The following BRDT variants were observed in gnomAD, a reference collection of about 807,000 sequenced individuals.
The protein encoded by BRDT is bromodomain testis-specific protein.
Under a neutral mutation model 113.9 loss-of-function variants are expected in BRDT, and 77 were observed. That is an observed-to-expected ratio of 0.68 (90% CI 0.56 to 0.82). The LOEUF (loss-of-function observed/expected upper bound fraction) is 0.82. Among genes scored for constraint, BRDT ranks in the 40% least tolerant of loss-of-function variants. The pLI, the probability that BRDT is intolerant of heterozygous loss-of-function variation, is 0.00. For missense variants in BRDT, 1,027 were observed against 1,105.4 expected (o/e 0.93, Z 1.01); for synonymous variants, 358 against 366.5 (o/e 0.98, Z 0.26).
intron 11 of BRDT, 69 bp downstream of exon 11, chr1:91,981,450 G>A (rs1378602704): frequency 2.0e-6 from 3 of 1,498,848 alleles, no homozygotes; most frequent in East Asian, 2.3e-5. Flanking sequence ...TTGTGATATT[G>A]CCCAGGCTGG....
chr1:91,979,028 A>ACAAC (rs1553189992), intron 7 of BRDT, among the ~76,000 whole-genome samples: 38 of 149,796 alleles, frequency 2.5e-4, no homozygotes, highest in African/African-American at 5.1e-4. Flanking sequence ...AACAACAACA[A>ACAAC]AAAAAACCCT....
chr1:91,992,279 T>A lies in BRDT; in HGVS notation c.2080T>A (p.Cys694Ser), dbSNP rs775972481. ...TTATTTTTAGAAAATGAAGAATGAA[T>A]GCATACCGCCTGAAGGAAGAACAGG... ...KENVKKMKNE[C>S]IPPEGRTGVT... The change falls in exon 14 of 19, where the codon TGC (cysteine) becomes AGC (serine). Residue 694 changes from cysteine to serine, a missense_variant. By Grantham distance (112) the Cys-to-Ser change is moderately radical. Transcript: ENST00000399546. 6.7e-7 allele frequency: 1 copy of A among 1,502,008 alleles called. No homozygotes were observed. The highest frequency in any genetic ancestry group is 2.2e-5 in the Admixed American group (1 of 45,168). The allele number at this position is 1,502,008 out of a possible 1,614,324, so 93.0% of individuals were successfully genotyped here. A position where few individuals can be genotyped will look rare whatever the true frequency, so the allele number is the denominator to read the frequency against.
At chr1:91,996,638 C>A (rs1686367034) in intron 15 of BRDT, among the ~76,000 whole-genome samples, 1 of 152,166 alleles carries the variant, frequency 6.6e-6, no homozygotes, top group African/African-American at 2.4e-5. Flanking sequence ...AGTAAGGACA[C>A]TGAATGCTGT....
At chr1:91,993,043 A>G (rs1685948224) in intron 14 of BRDT, among the ~76,000 whole-genome samples, 1 of 152,180 alleles carries the variant, frequency 6.6e-6, no homozygotes, top group African/African-American at 2.4e-5. Flanking sequence ...ATGCCTATTT[A>G]TGGTAAAAGG....
intron 16 of BRDT, among the ~76,000 whole-genome samples, chr1:92,002,775 A>G (rs527876443): frequency 6.6e-6 from 1 of 152,304 alleles, no homozygotes; most frequent in African/African-American, 2.4e-5. Context: ...AGGGATATCT[A>G]AGAAATCCAA....
intron 12 of BRDT, among the ~76,000 whole-genome samples, chr1:91,984,444 A>G (rs1465421764): frequency 6.6e-6 from 1 of 152,168 alleles, no homozygotes; most frequent in Admixed American, 6.6e-5. Flanking sequence ...TCTTAATTAT[A>G]CTAGTAACAT....
chr1:91,993,106 C>G (rs899335788), intron 14 of BRDT, among the ~76,000 whole-genome samples: 1 of 151,994 alleles, frequency 6.6e-6, no homozygotes, highest in Non-Finnish European at 1.5e-5. Context: ...TTGTGTAGTT[C>G]AGAAAGTGAT....
In BRDT at chr1:91,962,705, TTTTG is replaced by T; in HGVS notation, c.-37-9_-37-6del. The T allele has an allele frequency of 6.9e-7, 1 of 1,445,556 alleles. No homozygotes were observed. Among genetic ancestry groups the T allele is most frequent in the East Asian group, 2.4e-5 (1 of 41,128 alleles). 89.5% of individuals were successfully genotyped at this position (1,445,556 alleles called of 1,614,324 possible). On this transcript the variant is annotated splice_polypyrimidine_tract_variant and intron_variant, in intron 1 of 18. Transcript: ENST00000399546. ...CTAAAGTGCTTCTGAAGTACTCAGT[TTTTG>T]TTTTTCAGGACATGTACTTGTAGAC...
chr1:91,967,775 T>G (rs1377963042), intron 3 of BRDT, among the ~76,000 whole-genome samples: 1 of 151,958 alleles, frequency 6.6e-6, no homozygotes, highest in African/African-American at 2.4e-5. Flanking sequence ...TCAGATGATC[T>G]ACCCCCGCCA....
chr1:91,984,633 TAATTA>T lies in BRDT; in HGVS notation c.2002+2881_2002+2885del, dbSNP rs1379045155. ...AAAATAAAATATAAATATGAAAAAATAATTAAAAAAAATTTTTTTTGAGACAGGGT... is the reference window on the plus strand; with the variant it reads ...AAAATAAAATATAAATATGAAAAAATAAAAAAATTTTTTTTGAGACAGGGT... On this transcript the variant is annotated intron_variant, in intron 12 of 18. Coordinates refer to ENST00000399546, the MANE Select transcript of BRDT (RefSeq NM_207189.4). Among the ~76,000 whole-genome samples the T allele has an allele frequency of 9.9e-5, 15 of 152,066 alleles. No homozygotes were observed. In the East Asian group the frequency reaches 2.9e-3, roughly 29 times the overall value.
At chr1:91,963,168 A>G (rs1682673555) in intron 2 of BRDT, among the ~76,000 whole-genome samples, 1 of 152,138 alleles carries the variant, frequency 6.6e-6, no homozygotes, top group South Asian at 2.1e-4. Flanking sequence ...TACTAAAAAT[A>G]CAAAATTAGC....
At chr1:91,983,479 C>G (rs1684904688) in intron 12 of BRDT, among the ~76,000 whole-genome samples, 1 of 152,034 alleles carries the variant, frequency 6.6e-6, no homozygotes, top group Non-Finnish European at 1.5e-5. Flanking sequence ...TGGTCTCGAT[C>G]TCCTGACCTT....
chr1:92,005,084 GA>G, intron 17 of BRDT, 34 bp from the exon 18 acceptor site: 1 of 1,402,742 alleles, frequency 7.1e-7, no homozygotes, highest in East Asian at 2.6e-5. Flanking sequence ...TAAGGAACTT[GA>G]AACCTACTTT....
chr1:91,950,115 G>A (rs890580095), intron 1 of BRDT: 5 of 152,106 alleles, frequency 3.3e-5, no homozygotes, highest in African/African-American at 1.2e-4. Flanking sequence ...CAGGATTGTG[G>A]TGGGCTTTAC....
At chr1:92,002,868 A>T (rs1686982491) in intron 16 of BRDT, among the ~76,000 whole-genome samples, 1 of 152,204 alleles carries the variant, frequency 6.6e-6, no homozygotes, top group South Asian at 2.1e-4. Flanking sequence ...ATTCTAGATG[A>T]TTGGGATACA....
intron 15 of BRDT, among the ~76,000 whole-genome samples, chr1:91,994,974 CTT>C (rs1257433424): frequency 2.7e-5 from 4 of 148,900 alleles, no homozygotes; most frequent in Non-Finnish European, 5.9e-5. Context: ...GTTAAGGAAA[CTT>C]GGGCTAGAAA....
intron 13 of BRDT, 56 bp downstream of exon 13, chr1:91,991,301 ATAG>A (rs1403881748): frequency 1.0e-6 from 1 of 967,644 alleles, no homozygotes; most frequent in East Asian, 2.6e-5. Flanking sequence ...ACTCATGGGT[ATAG>A]TAGTAGCTTT....
chr1:92,003,664 A>G (rs1557864005), intron 16 of BRDT, among the ~76,000 whole-genome samples: 1 of 152,236 alleles, frequency 6.6e-6, no homozygotes, highest in Non-Finnish European at 1.5e-5. Context: ...AAATCTAATT[A>G]TAGATCAATT....
intron 12 of BRDT, among the ~76,000 whole-genome samples, chr1:91,989,275 A>G (rs531862530): frequency 1.7e-4 from 26 of 152,258 alleles, no homozygotes; most frequent in South Asian, 1.7e-3. Flanking sequence ...ATTTAGATGT[A>G]TAGATATACA....
Sources: allele counts gnomAD v4.1 joint callset (sites outside exome capture counted in the v4.1 genomes callset), GRCh38; gene constraint gnomAD v4.1.1; transcripts MANE v1.5; gene names NCBI Gene and HGNC (gene_info 2026-07-23, HGNC 2026-07-21).